The following ZBTB20 variants were observed in gnomAD, a reference collection of about 807,000 sequenced individuals.
The protein encoded by ZBTB20 is zinc finger and BTB domain containing 20.
A neutral mutation model predicts 56.9 loss-of-function variants in ZBTB20; 9 were observed. That is an observed-to-expected ratio of 0.16 (90% CI 0.10 to 0.28). The LOEUF (loss-of-function observed/expected upper bound fraction) is 0.28, where lower values mean the gene tolerates loss of function less well. ZBTB20 is among the 10% of genes least tolerant of loss of function. The pLI is 1.00. For missense variants in ZBTB20, 655 were observed against 1,003.0 expected (o/e 0.65, Z 4.69); for synonymous variants, 417 against 420.7 (o/e 0.99, Z 0.11).
intron 6 of ZBTB20, among the ~76,000 whole-genome samples, chr3:114,588,852 G>A (rs989945118): frequency 2.6e-5 from 4 of 152,164 alleles, no homozygotes; most frequent in African/African-American, 9.7e-5. Flanking sequence ...ACCCAAGACT[G>A]GGTAATTTAT....
chr3:114,549,378 A>T (rs952169111), intron 6 of ZBTB20, among the ~76,000 whole-genome samples: 4 of 152,132 alleles, frequency 2.6e-5, no homozygotes, highest in Admixed American at 1.3e-4. Flanking sequence ...CTATGTTTCT[A>T]TGTTCTTTAT....
chr3:114,992,141 T>A (rs1424650608), intron 2 of ZBTB20, among the ~76,000 whole-genome samples: 1 of 152,034 alleles, frequency 6.6e-6, no homozygotes, highest in Non-Finnish European at 1.5e-5. Context: ...AAATAAATAC[T>A]CACTGTATGA....
chr3:115,053,561 TTC>T (rs1406745804), intron 2 of ZBTB20, among the ~76,000 whole-genome samples: 3 of 152,176 alleles, frequency 2.0e-5, no homozygotes, highest in South Asian at 2.1e-4. Context: ...TGATAAAAAT[TTC>T]TTTTTTAAAT....
At chr3:114,581,156 T>C (rs77133279) in intron 6 of ZBTB20, among the ~76,000 whole-genome samples, 4,376 of 152,122 alleles carry the variant, frequency 0.029, 218 homozygotes, top group African/African-American at 0.098. Flanking sequence ...GATGGCATTA[T>C]AAATTAGTTA....
chr3:114,716,717 G>A (rs1191152350), intron 5 of ZBTB20, among the ~76,000 whole-genome samples: 1 of 152,138 alleles, frequency 6.6e-6, no homozygotes, highest in Non-Finnish European at 1.5e-5. Context: ...TGGGTTGTTT[G>A]AAATGCAATT....
At chr3:114,355,004 C>T (rs1013101655) in intron 10 of ZBTB20, among the ~76,000 whole-genome samples, 1 of 152,146 alleles carries the variant, frequency 6.6e-6, no homozygotes, top group Non-Finnish European at 1.5e-5. Flanking sequence ...GAAACTATGC[C>T]TCTTAAAGCT....
chr3:114,832,172 T>C (rs1259530856), intron 4 of ZBTB20, among the ~76,000 whole-genome samples: 1 of 152,104 alleles, frequency 6.6e-6, no homozygotes, highest in Non-Finnish European at 1.5e-5. Flanking sequence ...TCCTGTCCTC[T>C]GCCTGCAACA....
intron 2 of ZBTB20, among the ~76,000 whole-genome samples, chr3:114,985,536 C>T (rs2078501569): frequency 6.6e-6 from 1 of 152,024 alleles, no homozygotes; most frequent in African/African-American, 2.4e-5. Flanking sequence ...TTCACACTTC[C>T]CCATTAAACT....
At chr3:114,844,541 A>AACAAAC (rs1355798196) in intron 4 of ZBTB20, among the ~76,000 whole-genome samples, 9 of 140,488 alleles carry the variant, frequency 6.4e-5, no homozygotes, top group Non-Finnish European at 9.1e-5. Context: ...AAAAAAAAAA[A>AACAAAC]AAAAAAAAAA....
In ZBTB20 at chr3:114,339,154, C is replaced by T; in HGVS notation, c.2077G>A (p.Ala693Thr). Residue 693 changes from alanine to threonine, a missense_variant, in exon 12 of 12, where the codon GCA (alanine) becomes ACA (threonine). Around this residue, in one of 10 missense-constraint regions of ZBTB20, gnomAD observed 89 missense variants for 79.7 expected, o/e 1.12. Transcript: ENST00000675478. The surrounding 1 kb of genome is among the most constrained non-coding windows in gnomAD (Gnocchi z 4.2). ...GCGCGGGCACCTGGGGGTGTGCCTG[C>T]AGGGGGGGTCCCATTGCTGGCACTG... ...LHSASNGTPP[A>T]GTPPGARAGP... 2 of 1,613,894 alleles carry T rather than the reference C, an allele frequency of 1.2e-6. No homozygotes were observed. The highest frequency in any genetic ancestry group is 1.1e-5 in the South Asian group (1 of 91,072).
intron 1 of ZBTB20, chr3:115,102,802 T>G (rs905767092): frequency 2.0e-5 from 3 of 151,900 alleles, no homozygotes; most frequent in Non-Finnish European, 4.4e-5. Context: ...CCCCCTCTAC[T>G]AAAAATACAA....
intron 6 of ZBTB20, among the ~76,000 whole-genome samples, chr3:114,618,298 G>T (rs1392112178): frequency 1.5e-5 from 2 of 129,980 alleles, no homozygotes; most frequent in Non-Finnish European, 3.1e-5. Flanking sequence ...TGCCCAGGTT[G>T]GAGTATAGTG....
rs181741682 is a variant in ZBTB20 at position 114,616,331 on chromosome 3, C to G, written c.-295+77197G>C. On this transcript the variant is annotated intron_variant, in intron 6 of 11. Coordinates refer to ENST00000675478, the MANE Select transcript of ZBTB20 (RefSeq NM_001348800.3). The stretch of plus-strand genomic sequence containing the variant: ...AGGATTTTGCCTTTATAATCATCTC[C>G]CTTGATGCCGATTAAATATTTTGCA... Among the ~76,000 whole-genome samples, 145 of 152,288 alleles carry G rather than the reference C, an allele frequency of 9.5e-4. 1 individual carries two copies. Among genetic ancestry groups the G allele is most frequent in the African/African-American group, 3.3e-3 (137 of 41,554 alleles).
chr3:114,913,606 T>C (rs751470495), intron 3 of ZBTB20, among the ~76,000 whole-genome samples: 4 of 152,072 alleles, frequency 2.6e-5, no homozygotes, highest in Non-Finnish European at 5.9e-5. Context: ...CATATGTCCA[T>C]TTTTGCTTTG....
chr3:114,613,746 C>T (rs941609716), intron 6 of ZBTB20, among the ~76,000 whole-genome samples: 17 of 151,918 alleles, frequency 1.1e-4, no homozygotes, highest in African/African-American at 3.9e-4. Context: ...ATTCCTAGGT[C>T]GGGGGAGTGT....
intron 4 of ZBTB20, among the ~76,000 whole-genome samples, chr3:114,810,904 G>A (rs2072472220): frequency 6.6e-6 from 1 of 152,054 alleles, no homozygotes; most frequent in Admixed American, 6.6e-5. Flanking sequence ...TCTCTAGAAA[G>A]TTTAAAGGTT....
intron 7 of ZBTB20, among the ~76,000 whole-genome samples, chr3:114,449,702 A>G (rs910421041): frequency 1.3e-5 from 2 of 149,760 alleles, no homozygotes; most frequent in African/African-American, 4.9e-5. Context: ...AAAAAAAAAA[A>G]GGTTGCACAA....
chr3:114,433,021 CA>C (rs1484656713), intron 7 of ZBTB20, among the ~76,000 whole-genome samples: 1 of 152,084 alleles, frequency 6.6e-6, no homozygotes, highest in Non-Finnish European at 1.5e-5. Flanking sequence ...GCTGGGATGC[CA>C]AAGCTTCTTC....
intron 6 of ZBTB20, chr3:114,520,048 A>C (rs1169956754): frequency 2.6e-5 from 4 of 152,124 alleles, no homozygotes; most frequent in Admixed American, 2.0e-4. Flanking sequence ...AGAGCAATAA[A>C]ATTTAAAGTT....
Sources: gnomAD v4.1 joint callset for allele counts (sites outside exome capture counted in the v4.1 genomes callset) on GRCh38, gnomAD v4.1.1 for gene constraint, gnomAD v4.1.1 regional missense constraint, Gnocchi (gnomAD v3.1) non-coding constraint, MANE v1.5 for transcripts, NCBI Gene and HGNC (gene_info 2026-07-23, HGNC 2026-07-21) for gene names.